Variants in LRRC40 observed in about 807,000 individuals in gnomAD.
The protein encoded by LRRC40 is leucine-rich repeat-containing protein 40.
In LRRC40, 76 loss-of-function variants were observed where a neutral mutation model predicts 72.8. That is an observed-to-expected ratio of 1.04 (90% confidence interval 0.87 to 1.26). The LOEUF is 1.26. Among genes scored for constraint, LRRC40 ranks in the 50% most tolerant of loss-of-function variants. LRRC40 has a pLI of 0.00. For missense variants in LRRC40, 684 were observed against 698.9 expected (o/e 0.98, Z 0.24); for synonymous variants, 243 against 254.2 (o/e 0.96, Z 0.42).
intron 10 of LRRC40, among the ~76,000 whole-genome samples, chr1:70,156,364 A>C (rs1454795706): frequency 6.6e-6 from 1 of 152,146 alleles, no homozygotes; most frequent in Non-Finnish European, 1.5e-5. Context: ...TAGACAGAGC[A>C]GTGGACTGAG....
chr1:70,182,654 T>C (rs1355779746), intron 4 of LRRC40, among the ~76,000 whole-genome samples: 1 of 152,058 alleles, frequency 6.6e-6, no homozygotes, highest in African/African-American at 2.4e-5. Flanking sequence ...AGTTAGTAAT[T>C]GTTAGATATA....
intron 10 of LRRC40, among the ~76,000 whole-genome samples, chr1:70,158,005 G>A (rs1667676609): frequency 6.6e-6 from 1 of 150,760 alleles, no homozygotes; most frequent in South Asian, 2.1e-4. Flanking sequence ...GGAGGCTGAG[G>A]TGGGGGAATC....
intron 3 of LRRC40, among the ~76,000 whole-genome samples, chr1:70,187,002 T>C (rs558463204): frequency 1.3e-5 from 2 of 151,056 alleles, no homozygotes; most frequent in South Asian, 2.1e-4. Flanking sequence ...AGAATTGTTT[T>C]ATAAAAAAAA....
chr1:70,166,084 T>C (rs1469836057), intron 9 of LRRC40, among the ~76,000 whole-genome samples: 1 of 152,234 alleles, frequency 6.6e-6, no homozygotes, highest in Non-Finnish European at 1.5e-5. Context: ...TTGTTCTCCA[T>C]ATGATTATCA....
Position 70,189,100 on chromosome 1 carries a change from C to T in LRRC40, c.325G>A (p.Val109Ile). 1.9e-6 allele frequency: 3 copies of T among 1,608,588 alleles called. No individual in the cohort carries two copies. The highest frequency in any genetic ancestry group is 1.1e-5 in the South Asian group (1 of 90,070). ...ATAGTCAGTCAACTTACATCAAGAA[C>T]AGTCAGTGCAGGCAAGAGTCGCAGG... ...DDLRLLPALT[V>I]LDIHDNQLTS... Residue 109 changes from valine (V) to isoleucine (I), a missense_variant, in exon 2 of 15, where the codon GTT becomes ATT. Val to Ile is a conservative substitution (Grantham distance 29, BLOSUM62 3). Transcript: ENST00000370952.
intron 4 of LRRC40, among the ~76,000 whole-genome samples, chr1:70,184,291 T>TG (rs1166331446): frequency 6.6e-6 from 1 of 152,140 alleles, no homozygotes; most frequent in Non-Finnish European, 1.5e-5. Flanking sequence ...AAATAATATT[T>TG]GTATTGCTTT....
chr1:70,187,760 G>T (rs151167095), intron 2 of LRRC40, among the ~76,000 whole-genome samples: 5 of 152,120 alleles, frequency 3.3e-5, no homozygotes, highest in African/African-American at 9.6e-5. Context: ...GAGCCTAGGA[G>T]GTCAAGGCTG....
At chr1:70,203,306 G>C (rs1240011556) in intron 1 of LRRC40, among the ~76,000 whole-genome samples, 3 of 152,198 alleles carry the variant, frequency 2.0e-5, no homozygotes, top group African/African-American at 7.2e-5. Context: ...TCTGGGCTAT[G>C]GGAAGTCATT....
At chr1:70,147,903 C>CT (rs1349145227) in intron 14 of LRRC40, 1 of 152,020 alleles carries the variant, frequency 6.6e-6, no homozygotes, top group Non-Finnish European at 1.5e-5. Context: ...TGGGACAACT[C>CT]TTTTCCAAAG....
At chr1:70,187,695 G>A (rs369461357) in intron 2 of LRRC40, among the ~76,000 whole-genome samples, 22 of 152,090 alleles carry the variant, frequency 1.4e-4, no homozygotes, top group African/African-American at 9.6e-5. Context: ...GTCAGGCGTA[G>A]TGGCGCACAC....
rs1382741285 is a variant in LRRC40, at chr1:70,148,492, G to A, written c.1698C>T (p.Asn566=). 1.2e-6 allele frequency: 2 copies of A among 1,608,516 alleles called. No homozygotes were observed. Among genetic ancestry groups the A allele is most frequent in the East Asian group, 2.2e-5 (1 of 44,748 alleles). ...CAGTAGAATGGTGTAGTTACCTTAA[G>A]TTTACACAATTACCGAGCTCTGGTG... ...QIPPELGNCV[N]LRTLLLDGNP... Residue 566 remains asparagine (N), a synonymous_variant, in exon 14 of 15, where the codon AAC becomes AAT. Coordinates refer to ENST00000370952, the MANE Select transcript of LRRC40 (RefSeq NM_017768.5).
In LRRC40 at chr1:70,178,948, G is replaced by A. The variant is rs768064576; in HGVS notation, c.707C>T (p.Pro236Leu). 14 of 1,600,226 alleles carry A rather than the reference G, an allele frequency of 8.7e-6. No homozygotes were observed. In the South Asian group the frequency reaches 1.3e-4, roughly 15 times the overall value. Residue 236 changes from proline (P) to leucine (L), a missense_variant, in exon 6 of 15, where the codon CCT (proline) becomes CTT (leucine). Coordinates refer to ENST00000370952, the MANE Select transcript of LRRC40 (RefSeq NM_017768.5). The part of the protein sequence containing the change: ...DCNSNLLETI[P>L]PELAGMESLE... ...TGATTCCATGCCAGCCAATTCAGGAGGTATAGTTTCCAAGAGATTTGAATT... is the reference window on the plus strand; with the variant it reads ...TGATTCCATGCCAGCCAATTCAGGAAGTATAGTTTCCAAGAGATTTGAATT...
chr1:70,154,449 C>G (rs1314792071), intron 11 of LRRC40, among the ~76,000 whole-genome samples: 1 of 152,116 alleles, frequency 6.6e-6, no homozygotes, highest in African/African-American at 2.4e-5. Context: ...CCAGGACCCC[C>G]CGCCCAAAGC....
At chr1:70,178,315 A>C (rs550898088) in intron 6 of LRRC40, among the ~76,000 whole-genome samples, 1,539 of 152,362 alleles carry the variant, frequency 0.01, 11 homozygotes, top group Non-Finnish European at 0.016. Context: ...TTATTAAAGG[A>C]AAACTTTTTC....
intron 1 of LRRC40, among the ~76,000 whole-genome samples, chr1:70,200,719 T>G (rs143411945): frequency 6.6e-6 from 1 of 152,166 alleles, no homozygotes; most frequent in Non-Finnish European, 1.5e-5. Flanking sequence ...TTTGAATAAG[T>G]ATCTGTGTAA....
intron 9 of LRRC40, among the ~76,000 whole-genome samples, chr1:70,164,563 T>G (rs1049254334): frequency 1.3e-5 from 2 of 152,102 alleles, no homozygotes; most frequent in Non-Finnish European, 2.9e-5. Flanking sequence ...CACTGGGGAA[T>G]TTTACCAATC....
At position 70,176,356 on chromosome 1, in the gene LRRC40, C is replaced by T. The variant is rs942852721; in HGVS notation, c.805-374G>A. On this transcript the variant is annotated intron_variant, in intron 6 of 14. Transcript: ENST00000370952. ...GACCAGCCTGGCCAACATGGTGAAA[C>T]CCCGTCTCTACTAAAAATACAAAAA... is the stretch of plus-strand genomic sequence containing the variant. Among the ~76,000 whole-genome samples the T allele has an allele frequency of 5.9e-5, 9 of 151,864 alleles. 1 individual carries two copies. The South Asian group carries it at 1.5e-3, about 25-fold the overall frequency.
intron 9 of LRRC40, among the ~76,000 whole-genome samples, chr1:70,172,405 T>C (rs1254429486): frequency 6.6e-6 from 1 of 152,212 alleles, no homozygotes; most frequent in Non-Finnish European, 1.5e-5. Context: ...CTTTAAAACA[T>C]TTCCATTACC....
rs773191222 is a variant in LRRC40, at chr1:70,166,719, G to A, written c.1111+6746C>T. ...CTTTTTAAGTAAATTACTCTCTCAG[G>A]CTTTGAATATTTATATTGAGATATT... On this transcript the variant is annotated intron_variant, in intron 9 of 14. Transcript: ENST00000370952. Among the ~76,000 whole-genome samples, 163 of 151,132 alleles carry A rather than the reference G, an allele frequency of 1.1e-3. 1 individual carries two copies. The highest frequency in any genetic ancestry group is 1.7e-3 in the Non-Finnish European group (113 of 67,814).
Sources: gnomAD v4.1 joint callset for allele counts (sites outside exome capture counted in the v4.1 genomes callset) on GRCh38, gnomAD v4.1.1 for gene constraint, MANE v1.5 for transcripts, NCBI Gene and HGNC (gene_info 2026-07-23, HGNC 2026-07-21) for gene names.